MEF2A: variants seen among roughly 807,000 people sequenced by gnomAD.
The protein encoded by MEF2A is myocyte enhancer factor 2A, also known as myocyte-specific enhancer factor 2A.
Under a neutral mutation model 55.8 loss-of-function variants are expected in MEF2A, and 28 were observed. The ratio of observed to expected loss-of-function variants is 0.50; its 90% CI spans 0.37 to 0.69. The LOEUF is 0.69. MEF2A is among the 30% of genes least tolerant of loss of function. The probability of loss-of-function intolerance (pLI) is 0.00; values close to 1 mark genes in which losing one functional copy is unlikely to be tolerated. For synonymous variants in MEF2A, 239 were observed against 227.1 expected (o/e 1.05, Z -0.47); for missense variants, 528 against 626.2 (o/e 0.84, Z 1.67).
intron 1 of MEF2A, among the ~76,000 whole-genome samples, chr15:99,568,305 T>A (rs1445676276): frequency 6.6e-6 from 1 of 152,234 alleles, no homozygotes; most frequent in Non-Finnish European, 1.5e-5. Context: ...GAGTTTGTTT[T>A]CATATGGGTA....
At chr15:99,578,862 G>C (rs973301573) in intron 1 of MEF2A, among the ~76,000 whole-genome samples, 1 of 152,210 alleles carries the variant, frequency 6.6e-6, no homozygotes, top group African/African-American at 2.4e-5. Context: ...CATGGTTTTA[G>C]ACATGTTAAA....
At chr15:99,604,285 T>C (rs571800978) in intron 2 of MEF2A, among the ~76,000 whole-genome samples, 10 of 152,200 alleles carry the variant, frequency 6.6e-5, no homozygotes, top group African/African-American at 9.6e-5. Context: ...ATTTTAGTTA[T>C]ATATTTGAAA....
intron 2 of MEF2A, among the ~76,000 whole-genome samples, chr15:99,605,511 C>G (rs1424505251): frequency 1.3e-5 from 2 of 152,100 alleles, no homozygotes; most frequent in Non-Finnish European, 2.9e-5. Context: ...ATGTTGAAAG[C>G]TTAGATTTGT....
intron 1 of MEF2A, among the ~76,000 whole-genome samples, chr15:99,583,396 C>T (rs183685360): frequency 5.9e-5 from 9 of 152,148 alleles, no homozygotes; most frequent in Admixed American, 2.6e-4. Context: ...TGATAGACTT[C>T]GACACTTTAC....
intron 2 of MEF2A, among the ~76,000 whole-genome samples, chr15:99,628,963 A>ATTTTTTTT (rs71149483): frequency 1.4e-4 from 19 of 133,766 alleles, no homozygotes; most frequent in South Asian, 4.7e-4. Context: ...TTTCAGAAGG[A>ATTTTTTTT]TTTTTTTTTT....
rs1359583377 is a variant in MEF2A at position 99,710,685 on chromosome 15, C to G, written c.1061C>G (p.Pro354Arg). The change falls in exon 11 of 12, where the codon CCA (proline) becomes CGA (arginine). Residue 354 changes from proline (P) to arginine (R), a missense_variant. Around this residue, in one of 2 missense-constraint regions of MEF2A, gnomAD observed 450 missense variants for 475.3 expected, o/e 0.95. Transcript: ENST00000557942. ...TCAGCCCTTCAAGGCTTCAACTCGC[C>G]AGGAATGCTGTCGCTGGGACAGGTG... The part of the protein sequence containing the change: ...DLSALQGFNS[P>R]GMLSLGQVSA... 1.2e-6 allele frequency: 2 copies of G among 1,613,658 alleles called. No homozygotes were observed. The highest frequency in any genetic ancestry group is 1.7e-6 in the Non-Finnish European group (2 of 1,179,564).
At chr15:99,644,455 A>G (rs1420741706) in intron 3 of MEF2A, among the ~76,000 whole-genome samples, 1 of 152,214 alleles carries the variant, frequency 6.6e-6, no homozygotes, top group African/African-American at 2.4e-5. Context: ...GAGGATATTA[A>G]AGTCATGCCC....
At chr15:99,664,010 C>T (rs1596956350) in intron 4 of MEF2A, among the ~76,000 whole-genome samples, 1 of 152,202 alleles carries the variant, frequency 6.6e-6, no homozygotes, top group Non-Finnish European at 1.5e-5. Flanking sequence ...AATGATAGGA[C>T]GTATGACTTT....
chr15:99,710,376 G>A (rs1482715349), intron 10 of MEF2A, among the ~76,000 whole-genome samples: 1 of 152,170 alleles, frequency 6.6e-6, no homozygotes, highest in Non-Finnish European at 1.5e-5. Context: ...CCAAGTAGCT[G>A]GGACTACAGG....
chr15:99,681,278 A>T (rs1255254959), intron 7 of MEF2A, among the ~76,000 whole-genome samples: 10 of 152,244 alleles, frequency 6.6e-5, no homozygotes, highest in Admixed American at 6.5e-4. Flanking sequence ...TGGCAGTTAA[A>T]AAGAAGAGAT....
intron 8 of MEF2A, among the ~76,000 whole-genome samples, chr15:99,697,977 A>G (rs2056757794): frequency 6.6e-6 from 1 of 152,230 alleles, no homozygotes; most frequent in Non-Finnish European, 1.5e-5. Flanking sequence ...CAACAGAGAA[A>G]GGATGGTGGT....
chr15:99,691,823 T>G (rs1411608280), intron 8 of MEF2A, among the ~76,000 whole-genome samples: 1 of 152,244 alleles, frequency 6.6e-6, no homozygotes, highest in Non-Finnish European at 1.5e-5. Context: ...AAATAACCTA[T>G]TTAACTGTAT....
At chr15:99,637,768 G>T (rs1184967744) in intron 3 of MEF2A, among the ~76,000 whole-genome samples, 1 of 152,056 alleles carries the variant, frequency 6.6e-6, no homozygotes, top group Admixed American at 6.6e-5. Flanking sequence ...TCAGCCTCCT[G>T]AGTAGCTGGG....
rs536160653 is a variant in MEF2A at position 99,689,396 on chromosome 15, G to T, written c.671-845G>T. Among the ~76,000 whole-genome samples, 55 of 152,344 alleles carry T rather than the reference G, an allele frequency of 3.6e-4. 1 individual carries two copies. The Middle Eastern group carries it at 0.014, about 38-fold the overall frequency. On this transcript the variant is annotated intron_variant, in intron 7 of 11. Coordinates refer to ENST00000557942, the MANE Select transcript of MEF2A (RefSeq NM_001319206.4). ...TGCCTTTGCTCTCACAAGAGTGAATGAATAGGCTGGTCTCAGACATTTTTC... is the reference window on the plus strand; with the variant it reads ...TGCCTTTGCTCTCACAAGAGTGAATTAATAGGCTGGTCTCAGACATTTTTC...
intron 7 of MEF2A, among the ~76,000 whole-genome samples, chr15:99,688,437 G>T (rs2054718395): frequency 6.6e-6 from 1 of 152,078 alleles, no homozygotes; most frequent in South Asian, 2.1e-4. Flanking sequence ...TCCTCATTCT[G>T]GCCTTCTTCT....
Position 99,622,764 on chromosome 15 carries a change from G to A in MEF2A, c.-142-10214G>A, listed in dbSNP as rs575922630. Among the ~76,000 whole-genome samples the A allele has an allele frequency of 6.0e-4, 89 of 148,828 alleles. 1 individual carries two copies. In the Middle Eastern group the frequency reaches 0.01, roughly 18 times the overall value. On this transcript the variant is annotated intron_variant, in intron 2 of 11. Transcript: ENST00000557942. Reference sequence around the variant, plus strand: ...GTCACCCAGGCTGGAGTGCAGTGGCGTGATCTTGGCTCACTGCAAGCTCCG... The same window carrying A: ...GTCACCCAGGCTGGAGTGCAGTGGCATGATCTTGGCTCACTGCAAGCTCCG...
rs144562985 is a variant in MEF2A at position 99,652,310 on chromosome 15, G to T, written c.258+6546G>T. ...GCAGCCTAGATCCCTTGCTCGTGCAGTTCGCAGTAGGTTTCATTCTCTTAC... is the reference window on the plus strand; with the variant it reads ...GCAGCCTAGATCCCTTGCTCGTGCATTTCGCAGTAGGTTTCATTCTCTTAC... On this transcript the variant is annotated intron_variant, in intron 4 of 11. Transcript: ENST00000557942. Among the ~76,000 whole-genome samples, 886 of 152,290 alleles carry T rather than the reference G, an allele frequency of 5.8e-3. 31 individuals carry two copies. Among genetic ancestry groups the T allele is most frequent in the East Asian group, 0.021 (107 of 5,190 alleles).
rs183911417 is a variant in MEF2A at position 99,715,628 on chromosome 15, G to A, written c.*2857G>A. ...CTAGAGAGGGGACGACGCTAATGGTGTTGCTTTAGAACCGTCTTTTCTTAC... is the reference window on the plus strand; with the variant it reads ...CTAGAGAGGGGACGACGCTAATGGTATTGCTTTAGAACCGTCTTTTCTTAC... On this transcript the variant is annotated 3_prime_UTR_variant, in exon 12 of 12. Coordinates refer to ENST00000557942, the MANE Select transcript of MEF2A (RefSeq NM_001319206.4). 6.6e-6 allele frequency: 1 copy of A among 152,274 alleles called. No homozygotes were observed. The highest frequency in any genetic ancestry group is 1.9e-4 in the East Asian group (1 of 5,182). The allele number at this position is 152,274 out of a possible 1,614,324, so 9.4% of individuals were successfully genotyped here. A position where few individuals can be genotyped will look rare whatever the true frequency, so the allele number is the denominator to read the frequency against.
intron 2 of MEF2A, among the ~76,000 whole-genome samples, chr15:99,611,902 A>G (rs2039322502): frequency 6.6e-6 from 1 of 151,968 alleles, no homozygotes; most frequent in Non-Finnish European, 1.5e-5. Context: ...ATGTTAAGTG[A>G]GAGAAGCCAG....
Sources: allele counts gnomAD v4.1 joint callset (sites outside exome capture counted in the v4.1 genomes callset), GRCh38; gene constraint gnomAD v4.1.1; regional missense constraint gnomAD v4.1.1; transcripts MANE v1.5; gene names NCBI Gene and HGNC (gene_info 2026-07-23, HGNC 2026-07-21).